The following CACNA2D3 variants were observed in gnomAD, a reference collection of about 807,000 sequenced individuals.
CACNA2D3 encodes the protein voltage-dependent calcium channel subunit alpha-2/delta-3.
In CACNA2D3, 60 loss-of-function variants were observed where a neutral mutation model predicts 160.6. The observed-to-expected ratio is 0.37, with a 90% CI of 0.30 to 0.46. The LOEUF (loss-of-function observed/expected upper bound fraction) is 0.46, where lower values mean the gene tolerates loss of function less well. CACNA2D3 is among the 20% of genes least tolerant of loss of function. The pLI, the probability that CACNA2D3 is intolerant of heterozygous loss-of-function variation, is 1.00. For synonymous variants in CACNA2D3, 558 were observed against 492.9 expected (o/e 1.13, Z -1.75); for missense variants, 1,205 against 1,365.0 (o/e 0.88, Z 1.85).
intron 2 of CACNA2D3, among the ~76,000 whole-genome samples, chr3:54,282,543 A>G (rs1053516823): frequency 6.6e-6 from 1 of 152,206 alleles, no homozygotes; most frequent in Non-Finnish European, 1.5e-5. Flanking sequence ...AGAAGTCTTC[A>G]TGTTACTATC....
chr3:54,899,027 T>G (rs1337716186), intron 26 of CACNA2D3, among the ~76,000 whole-genome samples: 3 of 152,218 alleles, frequency 2.0e-5, no homozygotes, highest in African/African-American at 7.2e-5. Flanking sequence ...CTAAGTGTAT[T>G]CATATTCAGG....
intron 2 of CACNA2D3, among the ~76,000 whole-genome samples, chr3:54,205,795 C>A (rs1481488437): frequency 6.6e-6 from 1 of 152,058 alleles, no homozygotes; most frequent in East Asian, 1.9e-4. Context: ...GAAAGGGTTG[C>A]GGTGGAGGAT....
chr3:54,937,675 T>C (rs1701364545), intron 27 of CACNA2D3, among the ~76,000 whole-genome samples: 1 of 152,180 alleles, frequency 6.6e-6, no homozygotes, highest in Middle Eastern at 3.4e-3. Context: ...CAATGGATGT[T>C]ATAGCCAGGC....
chr3:54,582,464 A>C (rs1344464219), intron 9 of CACNA2D3, among the ~76,000 whole-genome samples: 1 of 152,246 alleles, frequency 6.6e-6, no homozygotes, highest in Non-Finnish European at 1.5e-5. Flanking sequence ...AAATTTCTAA[A>C]GTAGACTTCT....
At chr3:54,587,282 C>T (rs750644952) in intron 9 of CACNA2D3, among the ~76,000 whole-genome samples, 1 of 151,880 alleles carries the variant, frequency 6.6e-6, no homozygotes, top group Non-Finnish European at 1.5e-5. Flanking sequence ...GAGGGGCAGG[C>T]GCGGTGGCTC....
At chr3:54,162,437 T>C (rs943225811) in intron 2 of CACNA2D3, among the ~76,000 whole-genome samples, 1 of 152,052 alleles carries the variant, frequency 6.6e-6, no homozygotes, top group Non-Finnish European at 1.5e-5. Flanking sequence ...GTGGGGCCTC[T>C]CCATATAGTC....
At chr3:54,597,485 A>G (rs1436898702) in intron 9 of CACNA2D3, among the ~76,000 whole-genome samples, 1 of 152,066 alleles carries the variant, frequency 6.6e-6, no homozygotes, top group South Asian at 2.1e-4. Flanking sequence ...TGCTGCATCT[A>G]TTAAAAGGGT....
At chr3:54,520,366 G>A (rs1701627334) in intron 5 of CACNA2D3, among the ~76,000 whole-genome samples, 1 of 152,192 alleles carries the variant, frequency 6.6e-6, no homozygotes, top group African/African-American at 2.4e-5. Context: ...ATGAAGCTGG[G>A]TCATCACACA....
At chr3:54,974,016 A>G (rs1702331030) in intron 29 of CACNA2D3, among the ~76,000 whole-genome samples, 2 of 152,292 alleles carry the variant, frequency 1.3e-5, no homozygotes, top group Admixed American at 1.3e-4. Flanking sequence ...TGAAGACAAC[A>G]GGCAGTACAA....
chr3:54,277,320 G>A (rs111545648), intron 2 of CACNA2D3, among the ~76,000 whole-genome samples: 258 of 152,304 alleles, frequency 1.7e-3, no homozygotes, highest in African/African-American at 5.6e-3. Context: ...TGTCACGAAG[G>A]GGTCCAGTTT....
intron 2 of CACNA2D3, among the ~76,000 whole-genome samples, chr3:54,183,892 G>GAA (rs58956795): frequency 0.028 from 2,275 of 80,794 alleles, 101 homozygotes; most frequent in South Asian, 0.051. Flanking sequence ...TCTCAAAAAA[G>GAA]AAAAAAAAAA....
At chr3:54,166,451 T>A (rs1700459882) in intron 2 of CACNA2D3, among the ~76,000 whole-genome samples, 1 of 152,360 alleles carries the variant, frequency 6.6e-6, no homozygotes, top group East Asian at 1.9e-4. Context: ...CCCTTGTTAA[T>A]TGAATATGTG....
At chr3:54,964,587 T>C (rs1340469133) in intron 27 of CACNA2D3, among the ~76,000 whole-genome samples, 1 of 152,160 alleles carries the variant, frequency 6.6e-6, no homozygotes, top group Non-Finnish European at 1.5e-5. Context: ...ATTTAGGTTA[T>C]GTGGGGGCTG....
intron 2 of CACNA2D3, among the ~76,000 whole-genome samples, chr3:54,149,298 CAT>C (rs1553735172): frequency 4.6e-5 from 7 of 151,134 alleles, no homozygotes; most frequent in African/African-American, 7.4e-5. Flanking sequence ...CACACACACA[CAT>C]ATGTGTGGAG....
chr3:54,588,773 T>G (rs9868380), intron 9 of CACNA2D3, among the ~76,000 whole-genome samples: 13,013 of 151,978 alleles, frequency 0.086, 1,804 homozygotes, highest in African/African-American at 0.3. Context: ...AATTACAAAA[T>G]GCTGATGAAG....
chr3:54,836,850 G>C (rs543586624), intron 14 of CACNA2D3, among the ~76,000 whole-genome samples: 1 of 152,296 alleles, frequency 6.6e-6, no homozygotes, highest in South Asian at 2.1e-4. Context: ...AAATAAACCT[G>C]TGCTAATAAA....
intron 2 of CACNA2D3, among the ~76,000 whole-genome samples, chr3:54,198,224 G>A (rs892717811): frequency 9.2e-5 from 14 of 152,190 alleles, no homozygotes; most frequent in Non-Finnish European, 4.4e-5. Context: ...CCTCTAATAG[G>A]CTCCTTGTGG....
At chr3:54,403,707 G>T (rs1195165190) in intron 4 of CACNA2D3, among the ~76,000 whole-genome samples, 1 of 152,002 alleles carries the variant, frequency 6.6e-6, no homozygotes, top group Non-Finnish European at 1.5e-5. Context: ...TAACTGAATT[G>T]TTTATTTTTT....
chr3:54,942,253 A>G (rs749973133), intron 27 of CACNA2D3, among the ~76,000 whole-genome samples: 2 of 152,152 alleles, frequency 1.3e-5, no homozygotes, highest in Non-Finnish European at 1.5e-5. Context: ...AAGTCCCAGC[A>G]TGGCTAAGAC....
Sources: allele counts gnomAD v4.1 joint callset (sites outside exome capture counted in the v4.1 genomes callset), GRCh38; gene constraint gnomAD v4.1.1; transcripts MANE v1.5; gene names NCBI Gene and HGNC (gene_info 2026-07-23, HGNC 2026-07-21).